CSMD1: variants seen among roughly 807,000 people sequenced by gnomAD.
CSMD1 encodes the protein CUB and sushi domain-containing protein 1.
In CSMD1, 213 loss-of-function variants were observed where a neutral mutation model predicts 417.5. The ratio of observed to expected loss-of-function variants is 0.51; its 90% CI spans 0.46 to 0.57. The LOEUF (loss-of-function observed/expected upper bound fraction) is 0.57. Ranked by LOEUF, CSMD1 falls within the 20% of genes least tolerant of loss-of-function variation. The pLI is 0.00. For missense variants in CSMD1, 6,923 were observed against 4,529.7 expected (o/e 1.53, Z -15.17); for synonymous variants, 2,862 against 1,736.8 (o/e 1.65, Z -16.11).
Position 2,974,499 on chromosome 8 carries a change from C to T in CSMD1, c.8692G>A (p.Val2898Met), listed in dbSNP as rs780476867. ...SESLIGNDTR[V>M]CQEDSHWSGA... ...CTCCAGTGACTGTCTTCCTGGCACA[C>T]TCTCGTGTCGTTGCCTATGAGGCTC... is the stretch of plus-strand genomic sequence containing the variant. The change falls in exon 56 of 70, where the codon GTG (valine) becomes ATG (methionine). Residue 2898 changes from valine (V) to methionine (M), a missense_variant. By Grantham distance (21) the Val-to-Met change is conservative. Coordinates refer to ENST00000635120, the MANE Select transcript of CSMD1 (RefSeq NM_033225.6). 6.2e-7 allele frequency: 1 copy of T among 1,613,602 alleles called. No homozygotes were observed. The highest frequency in any genetic ancestry group is 1.7e-5 in the Admixed American group (1 of 60,008).
At chr8:3,304,001 A>C (rs2117359657) in intron 25 of CSMD1, among the ~76,000 whole-genome samples, 1 of 152,204 alleles carries the variant, frequency 6.6e-6, no homozygotes, top group South Asian at 2.1e-4. Context: ...GAGGAATAGC[A>C]CTATATAAGC....
intron 26 of CSMD1, among the ~76,000 whole-genome samples, chr8:3,253,003 C>CA (rs1800388424): frequency 6.6e-6 from 1 of 152,016 alleles, no homozygotes; most frequent in South Asian, 2.1e-4. Context: ...TTGATCTTTT[C>CA]AAAAAACCAG....
At chr8:3,523,574 C>A (rs977735774) in intron 10 of CSMD1, among the ~76,000 whole-genome samples, 31 of 152,138 alleles carry the variant, frequency 2.0e-4, no homozygotes, top group African/African-American at 7.5e-4. Flanking sequence ...TGCACACACA[C>A]ATGTACACAC....
intron 10 of CSMD1, among the ~76,000 whole-genome samples, chr8:3,512,582 G>A (rs891909725): frequency 6.7e-6 from 1 of 150,276 alleles, no homozygotes; most frequent in Non-Finnish European, 1.5e-5. Context: ...TCCTCCAGGA[G>A]CTTACTTTAA....
chr8:4,513,106 A>C, intron 2 of CSMD1, among the ~76,000 whole-genome samples: 1 of 152,320 alleles, frequency 6.6e-6, no homozygotes, highest in East Asian at 1.9e-4. Context: ...AAACCCATAA[A>C]ATTGACAACA....
intron 2 of CSMD1, among the ~76,000 whole-genome samples, chr8:4,451,114 G>C (rs1487502085): frequency 6.6e-6 from 1 of 152,178 alleles, no homozygotes; most frequent in African/African-American, 2.4e-5. Flanking sequence ...TTACTCCTGA[G>C]TTCAAGAGAT....
intron 1 of CSMD1, among the ~76,000 whole-genome samples, chr8:4,807,853 A>G (rs1585132761): frequency 6.6e-6 from 1 of 152,198 alleles, no homozygotes; most frequent in East Asian, 1.9e-4. Context: ...GTTATTGTTA[A>G]TATTACTAGT....
chr8:4,573,213 A>G (rs1798969598), intron 2 of CSMD1, among the ~76,000 whole-genome samples: 1 of 151,910 alleles, frequency 6.6e-6, no homozygotes, highest in African/African-American at 2.4e-5. Flanking sequence ...GGTTTTTGGA[A>G]TTTTCAGCAT....
chr8:4,287,853 G>A (rs975195854), intron 3 of CSMD1, among the ~76,000 whole-genome samples: 2 of 151,890 alleles, frequency 1.3e-5, no homozygotes, highest in Non-Finnish European at 2.9e-5. Flanking sequence ...TGCCTCCCCT[G>A]TTCCTAGGTG....
At chr8:3,596,148 G>A (rs1213559968) in intron 8 of CSMD1, among the ~76,000 whole-genome samples, 2 of 152,196 alleles carry the variant, frequency 1.3e-5, no homozygotes, top group Admixed American at 6.5e-5. Flanking sequence ...AGGAAACAGT[G>A]AGGAGTGTCG....
rs536475471 is a variant in CSMD1 at position 4,415,136 on chromosome 8, C to A, written c.415+4817G>T. Among the ~76,000 whole-genome samples, 3 of 152,178 alleles carry A rather than the reference C, an allele frequency of 2.0e-5. No individual in the cohort carries two copies. In the South Asian group the frequency reaches 6.2e-4, roughly 32 times the overall value. On this transcript the variant is annotated intron_variant, in intron 3 of 69. Transcript: ENST00000635120. ...GATGAAATAACGTAAACTCAATTTT[C>A]TACCCTTCAGATAGGGCAGAAAGGC... is the stretch of plus-strand genomic sequence containing the variant.
intron 3 of CSMD1, among the ~76,000 whole-genome samples, chr8:4,314,059 G>T (rs1264513845): frequency 6.6e-6 from 1 of 151,446 alleles, no homozygotes; most frequent in Non-Finnish European, 1.5e-5. Flanking sequence ...AATAATTCCA[G>T]TTAAACTTGC....
intron 5 of CSMD1, among the ~76,000 whole-genome samples, chr8:3,826,726 T>G (rs182893032): frequency 1.3e-5 from 2 of 152,174 alleles, no homozygotes; most frequent in Admixed American, 1.3e-4. Flanking sequence ...AAGAAAGAGT[T>G]TGTACTGAAT....
chr8:4,293,154 G>C (rs1211889547), intron 3 of CSMD1, among the ~76,000 whole-genome samples: 9 of 152,114 alleles, frequency 5.9e-5, no homozygotes, highest in Admixed American at 5.2e-4. Context: ...CCTGCCCTTT[G>C]TCCAGTATAC....
At chr8:3,485,195 C>T (rs1316917005) in intron 11 of CSMD1, among the ~76,000 whole-genome samples, 1 of 152,128 alleles carries the variant, frequency 6.6e-6, no homozygotes, top group Non-Finnish European at 1.5e-5. Flanking sequence ...AACTGTGGAA[C>T]ATTCATACCT....
intron 3 of CSMD1, among the ~76,000 whole-genome samples, chr8:4,064,228 G>C (rs954554457): frequency 6.6e-6 from 1 of 152,166 alleles, no homozygotes; most frequent in Non-Finnish European, 1.5e-5. Context: ...CTGCATCCCA[G>C]TGGTCATTCG....
At chr8:4,264,777 G>A (rs977111720) in intron 3 of CSMD1, among the ~76,000 whole-genome samples, 2 of 152,102 alleles carry the variant, frequency 1.3e-5, no homozygotes, top group Admixed American at 1.3e-4. Flanking sequence ...GGCCATTTTT[G>A]CGCCATAAAC....
rs1165587199 is a variant in CSMD1 at position 3,881,767 on chromosome 8, A to G, written c.818+116136T>C. ...TTACTCCAGAAATTAATTACTTAAG[A>G]CTCTGAATGGTCGATGCAAGGAAAG... is the stretch of plus-strand genomic sequence containing the variant. On this transcript the variant is annotated intron_variant, in intron 5 of 69. Transcript: ENST00000635120. 2.0e-5 allele frequency among the ~76,000 whole-genome samples: 3 copies of G among 152,256 alleles called. No homozygotes were observed. The East Asian group carries it at 5.8e-4, about 29-fold the overall frequency.
chr8:3,003,744 C>T (rs1807631632), intron 52 of CSMD1, among the ~76,000 whole-genome samples: 1 of 152,266 alleles, frequency 6.6e-6, no homozygotes, highest in South Asian at 2.1e-4. Context: ...GTGGAAGGAA[C>T]ACTCAGCCAT....
Sources: gnomAD v4.1 joint callset for allele counts (sites outside exome capture counted in the v4.1 genomes callset) on GRCh38, gnomAD v4.1.1 for gene constraint, MANE v1.5 for transcripts, NCBI Gene and HGNC (gene_info 2026-07-23, HGNC 2026-07-21) for gene names.